SETD1B: variants seen among roughly 807,000 people sequenced by gnomAD.
SETD1B encodes histone-lysine N-methyltransferase SETD1B.
In SETD1B, 7 loss-of-function variants were observed where a neutral mutation model predicts 148.0. The observed-to-expected ratio is 0.05, with a 90% CI of 0.03 to 0.09. The LOEUF (loss-of-function observed/expected upper bound fraction) is 0.09. Among genes scored for constraint, SETD1B ranks in the 10% least tolerant of loss-of-function variants. SETD1B has a pLI of 1.00. For missense variants in SETD1B, 2,155 were observed against 2,729.9 expected (o/e 0.79, Z 4.69); for synonymous variants, 1,361 against 1,186.5 (o/e 1.15, Z -3.02).
chr12:121,808,402 A>C lies in SETD1B; in HGVS notation c.657+82A>C, dbSNP rs1875851278. On this transcript the variant is annotated intron_variant, in intron 5 of 16. Transcript: ENST00000604567. This position sits in a 1 kb window ranked among gnomAD's most constrained non-coding sequence, Gnocchi z 5.3. Reference sequence around the variant, plus strand: ...TCTGGAAAGCCTCACCAACTCTCTTATGGGACCCCCAGCCTACCCCCACCT... The same window carrying C: ...TCTGGAAAGCCTCACCAACTCTCTTCTGGGACCCCCAGCCTACCCCCACCT... The C allele has an allele frequency of 1.3e-5, 11 of 869,886 alleles. No homozygotes were observed. Among genetic ancestry groups the C allele is most frequent in the East Asian group, 8.5e-5 (3 of 35,324 alleles). The allele number at this position is 869,886 out of a possible 1,614,324, so 53.9% of individuals were successfully genotyped here.
At position 121,819,513 on chromosome 12, in the gene SETD1B, G is replaced by A; in HGVS notation, c.3528G>A (p.Glu1176=). 1 of 1,552,356 alleles carries A rather than the reference G, an allele frequency of 6.4e-7. No homozygotes were observed. The highest frequency in any genetic ancestry group is 8.7e-7 in the Non-Finnish European group (1 of 1,147,168). ...CCGAGTCCTCGCCCTCATCCTCGGAGGATGAGGAGGAGGTAGTGGCCAGGG... is the reference window on the plus strand; with the variant it reads ...CCGAGTCCTCGCCCTCATCCTCGGAAGATGAGGAGGAGGTAGTGGCCAGGG... ...SSSESSPSSS[E]DEEEVVAREE... The change falls in exon 11 of 17, where the codon GAG becomes GAA. Residue 1176 remains glutamate, a synonymous_variant. Transcript: ENST00000604567.
Position 121,810,819 on chromosome 12 carries a change from C to T in SETD1B, c.1874C>T (p.Ser625Leu). ...LDLVGDRTPT[S>L]EKMDEGQQSS... ...CTGGTTGGAGACAGAACCCCGACCT[C>T]AGAGAAGATGGATGAGGTACCACCG... The change falls in exon 6 of 17, where the codon TCA becomes TTA. Residue 625 changes from serine to leucine, a missense_variant. This residue lies in a region of SETD1B where 295 missense variants were observed against 303.8 expected (regional missense o/e 0.97). Transcript: ENST00000604567. The surrounding 1 kb of genome is among the most constrained non-coding windows in gnomAD (Gnocchi z 7.6). 6.6e-7 allele frequency: 1 copy of T among 1,511,522 alleles called. No homozygotes were observed. 93.6% of individuals were successfully genotyped at this position (1,511,522 alleles called of 1,614,324 possible).
rs534731512 is a variant in SETD1B at position 121,814,213 on chromosome 12, G to A, written c.1998G>A (p.Ala666=). 1,283 of 1,532,434 alleles carry A rather than the reference G, an allele frequency of 8.4e-4. 9 individuals are homozygous for A. The African/African-American group carries it at 0.015, about 18-fold the overall frequency. 94.9% of individuals were successfully genotyped at this position (1,532,434 alleles called of 1,614,324 possible). The part of the protein sequence containing the change: ...CPKPMVVTPG[A]AAVAAPSVLA... ...AGCCCATGGTGGTGACCCCAGGAGCGGCAGCCGTGGCAGCCCCTTCTGTGC... is the reference window on the plus strand; with the variant it reads ...AGCCCATGGTGGTGACCCCAGGAGCAGCAGCCGTGGCAGCCCCTTCTGTGC... The change falls in exon 7 of 17, where the codon GCG becomes GCA. Residue 666 remains alanine (A), a synonymous_variant. Coordinates refer to ENST00000604567, the MANE Select transcript of SETD1B (RefSeq NM_001353345.2).
rs571671630 is a variant in SETD1B at position 121,811,617 on chromosome 12, C to T, written c.1890+782C>T. The stretch of plus-strand genomic sequence containing the variant: ...GAGGGTGTTGGGTCATCTTCCTTGG[C>T]TCCACTCCTCCTTCTCGGTCCAGGC... On this transcript the variant is annotated intron_variant, in intron 6 of 16. Coordinates refer to ENST00000604567, the MANE Select transcript of SETD1B (RefSeq NM_001353345.2). 2.0e-5 allele frequency among the ~76,000 whole-genome samples: 3 copies of T among 152,246 alleles called. No homozygotes were observed. In the South Asian group the frequency reaches 6.2e-4, roughly 32 times the overall value.
chr12:121,793,442 G>C, the SETD1B span: 1 of 1,531,806 alleles, frequency 6.5e-7, no homozygotes. Context: ...GGGGCTCTGG[G>C]CTCAGGGTAA....
chr12:121,805,033 G>GT lies in SETD1B; in HGVS notation c.175-82dup. The GT allele has an allele frequency of 6.7e-7, 1 of 1,488,178 alleles. No individual in the cohort carries two copies. The highest frequency in any genetic ancestry group is 9.1e-7 in the Non-Finnish European group (1 of 1,099,370). 92.2% of individuals were successfully genotyped at this position (1,488,178 alleles called of 1,614,324 possible). ...TGTCAGACGGGGCCCCAGCCCTGGA[G>GT]TTTGACAAGTGCCTCGAGAAAGGGG... On this transcript the variant is annotated intron_variant, in intron 2 of 16. Coordinates refer to ENST00000604567, the MANE Select transcript of SETD1B (RefSeq NM_001353345.2). This position sits in a 1 kb window ranked among gnomAD's most constrained non-coding sequence, Gnocchi z 4.2.
rs1875601603 is a variant in SETD1B at position 121,804,414 on chromosome 12, G to A, written c.-15+181G>A. ...GGTGAGCGCCACGCCGGGCGGCCGG[G>A]CGGGCACCATGGGCCGGAGTCCGCG... On this transcript the variant is annotated intron_variant, in intron 1 of 16. Coordinates refer to ENST00000604567, the MANE Select transcript of SETD1B (RefSeq NM_001353345.2). This position sits in a 1 kb window ranked among gnomAD's most constrained non-coding sequence, Gnocchi z 4.6. Among the ~76,000 whole-genome samples the A allele has an allele frequency of 6.1e-5, 9 of 148,678 alleles. No homozygotes were observed. The South Asian group carries it at 1.9e-3, about 31-fold the overall frequency.
chr12:121,801,647 T>C (rs914132290), upstream of SETD1B: 2 of 152,596 alleles, frequency 1.3e-5, no homozygotes, highest in Non-Finnish European at 2.9e-5. Context: ...TAAAAACATA[T>C]ATATTTTTTG....
chr12:121,813,777 T>C lies in SETD1B; in HGVS notation c.1891-329T>C, dbSNP rs575041325. On this transcript the variant is annotated intron_variant, in intron 6 of 16. Coordinates refer to ENST00000604567, the MANE Select transcript of SETD1B (RefSeq NM_001353345.2). The stretch of plus-strand genomic sequence containing the variant: ...ATTCACCCTCATCATCCTTTTGCCT[T>C]TTCCTGCTGGCTCCGCTCCACAAGA... Among the ~76,000 whole-genome samples, 146 of 152,332 alleles carry C rather than the reference T, an allele frequency of 9.6e-4. 1 individual carries two copies. The highest frequency in any genetic ancestry group is 3.3e-3 in the Admixed American group (50 of 15,300).
chr12:121,797,351 C>T, the SETD1B span: 18 of 430,024 alleles, frequency 4.2e-5, 1 homozygote, highest in South Asian at 2.8e-4. Context: ...GGCCCAGCGC[C>T]AGCAGCGGCC....
the SETD1B span, among the ~76,000 whole-genome samples, chr12:121,796,935 G>A: frequency 2.0e-5 from 3 of 152,058 alleles, no homozygotes; most frequent in Non-Finnish European, 4.4e-5. Flanking sequence ...CTACTCGGAG[G>A]CTGAGGCAGG....
At chr12:121,818,330 A>C (rs1039359502) in intron 10 of SETD1B, among the ~76,000 whole-genome samples, 4 of 152,210 alleles carry the variant, frequency 2.6e-5, no homozygotes, top group Non-Finnish European at 4.4e-5. Context: ...TGAGAGGCCT[A>C]GGCGAGTGGA....
chr12:121,828,946 A>C (rs1179733167), intron 16 of SETD1B, among the ~76,000 whole-genome samples: 1 of 152,098 alleles, frequency 6.6e-6, no homozygotes, highest in Non-Finnish European at 1.5e-5. Flanking sequence ...CTTTCCTGTG[A>C]ATATCCGGGG....
At chr12:121,801,151 C>T (rs1324777002), upstream of SETD1B, 1 of 152,200 alleles carries the variant, frequency 6.6e-6, no homozygotes, top group Non-Finnish European at 1.5e-5. Context: ...GCAGGCGCGC[C>T]CCGGAGCCCC....
At chr12:121,797,644 G>A in the SETD1B span, 2 of 455,926 alleles carry the variant, frequency 4.4e-6, no homozygotes, top group Admixed American at 2.4e-5. Context: ...GGGTGCAGCT[G>A]GGAGGGAGAC....
At chr12:121,815,238 G>A (rs1876232844) in intron 7 of SETD1B, among the ~76,000 whole-genome samples, 2 of 152,170 alleles carry the variant, frequency 1.3e-5, no homozygotes, top group Admixed American at 1.3e-4. Flanking sequence ...ATCAGCCTGA[G>A]CAGTATAGCA....
Position 121,822,656 on chromosome 12 carries a change from C to T in SETD1B, c.4077C>T (p.His1359=). The T allele has an allele frequency of 1.3e-6, 2 of 1,550,334 alleles. No homozygotes were observed. The highest frequency in any genetic ancestry group is 1.7e-6 in the Non-Finnish European group (2 of 1,146,098). ...CTCCGGAGCCCCTTGCCGAGGACCACCCCCCGCATACTCCAGGCCTCTGTG... is the reference window on the plus strand; with the variant it reads ...CTCCGGAGCCCCTTGCCGAGGACCATCCCCCGCATACTCCAGGCCTCTGTG... The part of the protein sequence containing the change: ...SVPPEPLAED[H]PPHTPGLCGS... Residue 1359 remains histidine (H), a synonymous_variant, in exon 12 of 17, where the codon CAC becomes CAT. Transcript: ENST00000604567.
At chr12:121,827,396 C>T (rs1194422487) in intron 13 of SETD1B, 123 bp from the exon 14 acceptor site, 5 of 1,230,830 alleles carry the variant, frequency 4.1e-6, no homozygotes, top group Non-Finnish European at 5.4e-6. Context: ...TAGGGACCGA[C>T]AGGTGTGGAG....
At chr12:121,793,431 C>G in the SETD1B span, 19 of 1,525,402 alleles carry the variant, frequency 1.2e-5, no homozygotes, top group Non-Finnish European at 1.6e-5. Context: ...GACTGAGGGT[C>G]GGGGCTCTGG....
Sources: gnomAD v4.1 joint callset for allele counts (sites outside exome capture counted in the v4.1 genomes callset) on GRCh38, gnomAD v4.1.1 for gene constraint, gnomAD v4.1.1 regional missense constraint, Gnocchi (gnomAD v3.1) non-coding constraint, MANE v1.5 for transcripts, NCBI Gene and HGNC (gene_info 2026-07-23, HGNC 2026-07-21) for gene names.